Variants in WDR7 observed in about 807,000 individuals in gnomAD.
WDR7 encodes WD repeat-containing protein 7.
In WDR7, 46 loss-of-function variants were observed where a neutral mutation model predicts 169.4. The observed-to-expected ratio is 0.27, with a 90% CI of 0.21 to 0.35. The LOEUF (loss-of-function observed/expected upper bound fraction) is 0.35. Ranked by LOEUF, WDR7 falls within the 10% of genes least tolerant of loss-of-function variation. The probability of loss-of-function intolerance (pLI) is 1.00; values close to 1 mark genes in which losing one functional copy is unlikely to be tolerated. For synonymous variants in WDR7, 612 were observed against 666.8 expected (o/e 0.92, Z 1.27); for missense variants, 1,534 against 1,859.3 (o/e 0.83, Z 3.22).
At chr18:56,866,343 G>GTT (rs200075690) in intron 20 of WDR7, among the ~76,000 whole-genome samples, 6 of 148,216 alleles carry the variant, frequency 4.0e-5, no homozygotes, top group African/African-American at 1.5e-4. Context: ...TAGTTTTTCT[G>GTT]TTTTTTTTTA....
intron 14 of WDR7, among the ~76,000 whole-genome samples, chr18:56,742,117 C>T (rs2043629328): frequency 1.3e-5 from 2 of 152,038 alleles, no homozygotes; most frequent in Admixed American, 1.3e-4. Context: ...TTTTGTTTTT[C>T]CTTGCAAATA....
intron 20 of WDR7, among the ~76,000 whole-genome samples, chr18:56,868,661 G>A (rs1181842507): frequency 6.6e-6 from 1 of 152,106 alleles, no homozygotes; most frequent in Non-Finnish European, 1.5e-5. Context: ...AAATATCTGA[G>A]AATGATATGC....
chr18:56,990,385 A>G (rs1388812303), intron 26 of WDR7, among the ~76,000 whole-genome samples: 1 of 152,240 alleles, frequency 6.6e-6, no homozygotes, highest in Non-Finnish European at 1.5e-5. Context: ...TCCAGAGCCT[A>G]GTGAGAGCCA....
At chr18:56,687,109 A>G (rs1014092157) in intron 7 of WDR7, 135 bp downstream of exon 7, 1 of 896,358 alleles carries the variant, frequency 1.1e-6, no homozygotes. Context: ...TGCTTTTGAT[A>G]TCACATTTTG....
intron 26 of WDR7, among the ~76,000 whole-genome samples, chr18:57,001,546 C>T (rs571151867): frequency 4.6e-5 from 7 of 152,238 alleles, no homozygotes; most frequent in African/African-American, 1.7e-4. Context: ...AGGTAACTGC[C>T]TTAATGAGGT....
intron 20 of WDR7, among the ~76,000 whole-genome samples, chr18:56,850,046 G>T (rs1168398773): frequency 2.6e-5 from 4 of 152,118 alleles, no homozygotes; most frequent in Non-Finnish European, 4.4e-5. Context: ...GGCCAAGTCT[G>T]TTCCAGTTTT....
At chr18:56,995,701 A>G (rs1243712001) in intron 26 of WDR7, among the ~76,000 whole-genome samples, 1 of 152,180 alleles carries the variant, frequency 6.6e-6, no homozygotes, top group Admixed American at 6.5e-5. Context: ...TTGAGATTTC[A>G]TGAGAACTAC....
chr18:56,814,295 A>AT (rs1430990442), intron 19 of WDR7, among the ~76,000 whole-genome samples: 1 of 152,136 alleles, frequency 6.6e-6, no homozygotes, highest in Non-Finnish European at 1.5e-5. Flanking sequence ...ACTATTTAAT[A>AT]TTTTTTCAAT....
chr18:56,874,681 G>C (rs895438864), intron 20 of WDR7, among the ~76,000 whole-genome samples: 1 of 151,954 alleles, frequency 6.6e-6, no homozygotes, highest in Non-Finnish European at 1.5e-5. Context: ...TAGTTTTAAA[G>C]ATAAATCTAT....
Position 56,694,982 on chromosome 18 carries a change from G to A in WDR7, c.1141G>A (p.Glu381Lys), listed in dbSNP as rs2025665614. 1.9e-6 allele frequency: 3 copies of A among 1,613,978 alleles called. No individual in the cohort carries two copies. Among genetic ancestry groups the A allele is most frequent in the Non-Finnish European group, 2.5e-6 (3 of 1,180,000 alleles). The part of the protein sequence containing the change: ...LAMTTSISLQ[E>K]AFDKLNPCPA... Reference sequence around the variant, plus strand: ...AATGACAACTTCTATTAGTTTGCAAGAGGCATTTGATAAACTGAATCCTTG... The same window carrying A: ...AATGACAACTTCTATTAGTTTGCAAAAGGCATTTGATAAACTGAATCCTTG... Residue 381 changes from glutamate to lysine, a missense_variant, in exon 11 of 28, where the codon GAG (glutamate) becomes AAG (lysine). By Grantham distance (56) the Glu-to-Lys change is moderately conservative. Coordinates refer to ENST00000254442, the MANE Select transcript of WDR7 (RefSeq NM_015285.3).
intron 20 of WDR7, among the ~76,000 whole-genome samples, chr18:56,875,282 T>C (rs2046007646): frequency 1.3e-5 from 2 of 152,304 alleles, no homozygotes; most frequent in Middle Eastern, 3.4e-3. Flanking sequence ...CATCGTGTAT[T>C]GTAAAGCTCT....
At chr18:56,711,378 A>G (rs1419120945) in intron 12 of WDR7, among the ~76,000 whole-genome samples, 1 of 152,250 alleles carries the variant, frequency 6.6e-6, no homozygotes, top group East Asian at 1.9e-4. Flanking sequence ...GATAAAAAAT[A>G]TCTGCTCCTC....
At chr18:56,947,471 G>A (rs1018171120) in intron 25 of WDR7, among the ~76,000 whole-genome samples, 1 of 152,130 alleles carries the variant, frequency 6.6e-6, no homozygotes, top group African/African-American at 2.4e-5. Flanking sequence ...TACCCTAGAC[G>A]CCAAGAAAGT....
intron 20 of WDR7, among the ~76,000 whole-genome samples, chr18:56,831,571 T>A (rs2045309188): frequency 6.6e-6 from 1 of 152,050 alleles, no homozygotes; most frequent in South Asian, 2.1e-4. Context: ...ACAGCTCCCA[T>A]CTGCAGCTCC....
intron 14 of WDR7, among the ~76,000 whole-genome samples, chr18:56,750,303 C>T (rs970244472): frequency 6.6e-6 from 1 of 152,144 alleles, no homozygotes; most frequent in Non-Finnish European, 1.5e-5. Context: ...GGTTCTTACA[C>T]TGAAAATGTC....
At chr18:56,701,644 T>C (rs1170147649) in intron 12 of WDR7, among the ~76,000 whole-genome samples, 2 of 152,218 alleles carry the variant, frequency 1.3e-5, no homozygotes, top group East Asian at 3.8e-4. Context: ...ATAGGAGATG[T>C]ATTAGAAACT....
At chr18:57,020,987 G>A in intron 27 of WDR7, 138 bp downstream of exon 27, 1 of 693,940 alleles carries the variant, frequency 1.4e-6, no homozygotes, top group Admixed American at 2.7e-5. Flanking sequence ...AGTCTGTATT[G>A]ATTGCTGATG....
chr18:56,708,309 T>C (rs1463603944), intron 12 of WDR7, among the ~76,000 whole-genome samples: 2 of 152,022 alleles, frequency 1.3e-5, no homozygotes, highest in East Asian at 1.9e-4. Flanking sequence ...GCTGGGATTA[T>C]GGGTATGAGC....
In WDR7 at chr18:56,698,631, G is replaced by T. The variant is rs533847818; in HGVS notation, c.1578+2169G>T. On this transcript the variant is annotated intron_variant, in intron 12 of 27. Transcript: ENST00000254442. Reference sequence around the variant, plus strand: ...AAAAAAAAAAAAAAAAATTCAGATTGGTATTTAAAATAATAAAATGTTTTT... The same window carrying T: ...AAAAAAAAAAAAAAAAATTCAGATTTGTATTTAAAATAATAAAATGTTTTT... Among the ~76,000 whole-genome samples, 20 of 151,612 alleles carry T rather than the reference G, an allele frequency of 1.3e-4. No homozygotes were observed. In the South Asian group the frequency reaches 3.7e-3, roughly 28 times the overall value.
Sources: allele counts gnomAD v4.1 joint callset (sites outside exome capture counted in the v4.1 genomes callset), GRCh38; gene constraint gnomAD v4.1.1; transcripts MANE v1.5; gene names NCBI Gene and HGNC (gene_info 2026-07-23, HGNC 2026-07-21).